The following FAAH2 variants were observed in gnomAD, a reference collection of about 807,000 sequenced individuals.
The protein encoded by FAAH2 is fatty-acid amide hydrolase 2.
A neutral mutation model predicts 36.9 loss-of-function variants in FAAH2; 60 were observed. That is an observed-to-expected ratio of 1.63 (90% CI 1.32 to 2.02). The LOEUF is 2.02. FAAH2 is among the 30% of genes most tolerant of loss of function. The pLI is 0.00. For synonymous variants in FAAH2, 214 were observed against 143.8 expected (o/e 1.49, Z -3.49); for missense variants, 689 against 397.5 (o/e 1.73, Z -6.23).
chrX:57,182,048 A>G, the FAAH2 span, among the ~76,000 whole-genome samples: 1 of 111,990 alleles, frequency 8.9e-6, no homozygotes, highest in Non-Finnish European at 1.9e-5. Flanking sequence ...TGAACCTGGA[A>G]CCCTTCCTTA....
At chrX:57,292,258 T>G (rs778257220) in intron 1 of FAAH2, among the ~76,000 whole-genome samples, 20 of 111,786 alleles carry the variant, frequency 1.8e-4, no homozygotes, top group African/African-American at 6.5e-4. Flanking sequence ...GTTTATTCCT[T>G]TTATCCCTAC....
At chrX:57,173,544 G>GGGCA in the FAAH2 span, among the ~76,000 whole-genome samples, 1 of 111,640 alleles carries the variant, frequency 9.0e-6, no homozygotes, top group East Asian at 2.8e-4. Context: ...TTGACTTTTT[G>GGGCA]TCCTATTTGG....
the FAAH2 span, among the ~76,000 whole-genome samples, chrX:57,209,537 G>T: frequency 9.0e-6 from 1 of 111,105 alleles, no homozygotes; most frequent in Non-Finnish European, 1.9e-5. Flanking sequence ...GTTTTGCCAT[G>T]GCTGACCTGG....
At chrX:57,249,595 G>T in the FAAH2 span, among the ~76,000 whole-genome samples, 4 of 111,789 alleles carry the variant, frequency 3.6e-5, no homozygotes, top group Non-Finnish European at 7.5e-5. Context: ...GTAACTTTGG[G>T]TTGGTCTGGT....
At chrX:57,286,654 T>C, upstream of FAAH2, 1 of 422,917 alleles carries the variant, frequency 2.4e-6, no homozygotes, top group Non-Finnish European at 3.7e-6. Context: ...CCCCCATCTC[T>C]GGCTAGGAGC....
chrX:57,138,628 G>A, the FAAH2 span, among the ~76,000 whole-genome samples: 373 of 110,875 alleles, frequency 3.4e-3, 2 homozygotes, highest in African/African-American at 0.012. Context: ...GTTTTTGGAG[G>A]AACTACCACG....
chrX:57,250,601 C>A, the FAAH2 span, among the ~76,000 whole-genome samples: 1 of 110,465 alleles, frequency 9.1e-6, no homozygotes, highest in Non-Finnish European at 1.9e-5. Context: ...TATTTTAAGA[C>A]ACCATGTTAT....
intron 10 of FAAH2, among the ~76,000 whole-genome samples, chrX:57,452,603 A>AT (rs2056804706): frequency 8.9e-6 from 1 of 112,715 alleles, no homozygotes; most frequent in African/African-American, 3.2e-5. Context: ...TGACTAGGAC[A>AT]TTGCATTGTT....
Position 57,488,846 on chromosome X carries a change from G to T in FAAH2, c.1513G>T (p.Gly505Ter). ...GLPLGIQVVA[G>*]PFNDHLTLAV... ...CCCTTTAGGCATCCAGGTTGTGGCTGGACCCTTTAATGATCATCTGACCCT... is the reference window on the plus strand; with the variant it reads ...CCCTTTAGGCATCCAGGTTGTGGCTTGACCCTTTAATGATCATCTGACCCT... Residue 505 changes from glycine (G) to a stop codon, truncating the protein, a stop_gained, in exon 11 of 11, where the codon GGA (glycine) becomes TGA (stop). Transcript: ENST00000374900. LOFTEE classifies it high-confidence loss of function. The T allele has an allele frequency of 8.3e-7, 1 of 1,211,151 alleles. No individual in the cohort carries two copies. The highest frequency in any genetic ancestry group is 1.1e-6 in the Non-Finnish European group (1 of 895,321).
chrX:57,416,922 T>C (rs926736703), intron 7 of FAAH2, among the ~76,000 whole-genome samples: 3 of 112,257 alleles, frequency 2.7e-5, no homozygotes, highest in African/African-American at 9.7e-5. Flanking sequence ...AGACTTTGTT[T>C]GCTTTCTTCA....
the FAAH2 span, among the ~76,000 whole-genome samples, chrX:57,139,521 T>A: frequency 9.0e-6 from 1 of 111,529 alleles, no homozygotes; most frequent in Non-Finnish European, 1.9e-5. Flanking sequence ...TGGTGCAATC[T>A]TGGCTCACTG....
intron 10 of FAAH2, among the ~76,000 whole-genome samples, chrX:57,462,668 A>G (rs2056981567): frequency 8.9e-6 from 1 of 112,640 alleles, no homozygotes; most frequent in African/African-American, 3.2e-5. Flanking sequence ...TCAAAATAAT[A>G]AGCACTATTT....
At chrX:57,293,144 G>T (rs376411998) in intron 2 of FAAH2, among the ~76,000 whole-genome samples, 1 of 111,138 alleles carries the variant, frequency 9.0e-6, no homozygotes, top group African/African-American at 3.3e-5. Flanking sequence ...GGGTGCCATC[G>T]TGTAGCTCTC....
intron 5 of FAAH2, among the ~76,000 whole-genome samples, chrX:57,375,229 G>A (rs1260218544): frequency 9.1e-6 from 1 of 109,662 alleles, no homozygotes; most frequent in African/African-American, 3.3e-5. Context: ...AGGTGATACT[G>A]GCTTCACAGA....
At chrX:57,364,243 G>A (rs1420559974) in intron 5 of FAAH2, among the ~76,000 whole-genome samples, 3 of 109,048 alleles carry the variant, frequency 2.8e-5, no homozygotes, top group Non-Finnish European at 5.7e-5. Context: ...TGCATTATTG[G>A]TCTTTTCAGG....
the FAAH2 span, among the ~76,000 whole-genome samples, chrX:57,200,353 C>T: frequency 9.4e-6 from 1 of 106,580 alleles, no homozygotes; most frequent in African/African-American, 3.5e-5. Context: ...ATAATAAAGA[C>T]TCTGCATCTT....
chrX:57,203,569 T>C, the FAAH2 span, among the ~76,000 whole-genome samples: 1 of 112,160 alleles, frequency 8.9e-6, no homozygotes, highest in Non-Finnish European at 1.9e-5. Context: ...CAAAGTGGCT[T>C]TATCACAGTG....
In FAAH2 at chrX:57,296,813, G is replaced by A. The variant is rs758496216; in HGVS notation, c.275+4233G>A. On this transcript the variant is annotated intron_variant, in intron 2 of 10. Transcript: ENST00000374900. ...CCAGAACTACATGATGAATGCACAAGCCTCAATAGCTGATTTGATCAAGTG... is the reference window on the plus strand; with the variant it reads ...CCAGAACTACATGATGAATGCACAAACCTCAATAGCTGATTTGATCAAGTG... Among the ~76,000 whole-genome samples the A allele has an allele frequency of 2.7e-5, 3 of 111,952 alleles. No individual in the cohort carries two copies. In the South Asian group the frequency reaches 1.1e-3, roughly 42 times the overall value.
the FAAH2 span, among the ~76,000 whole-genome samples, chrX:57,165,372 G>A: frequency 1.8e-5 from 2 of 112,410 alleles, no homozygotes; most frequent in Non-Finnish European, 3.7e-5. Context: ...AAAAAAGGAT[G>A]AGTTCATGTC....
Sources: gnomAD v4.1 joint callset for allele counts (sites outside exome capture counted in the v4.1 genomes callset) on GRCh38, gnomAD v4.1.1 for gene constraint, MANE v1.5 for transcripts, NCBI Gene and HGNC (gene_info 2026-07-23, HGNC 2026-07-21) for gene names.